The following MED27 variants were observed in gnomAD, a reference collection of about 807,000 sequenced individuals.
MED27 encodes mediator complex subunit 27.
A neutral mutation model predicts 38.2 loss-of-function variants in MED27; 30 were observed. The ratio of observed to expected loss-of-function variants is 0.79; its 90% CI spans 0.59 to 1.07. The LOEUF is 1.07. Ranked by LOEUF, MED27 falls within the 50% of genes least tolerant of loss-of-function variation. The pLI, the probability that MED27 is intolerant of heterozygous loss-of-function variation, is 0.00. For missense variants in MED27, 289 were observed against 397.5 expected (o/e 0.73, Z 2.32); for synonymous variants, 122 against 153.5 (o/e 0.79, Z 1.52).
chr9:131,972,197 C>T lies in MED27; in HGVS notation c.480-32723G>A, dbSNP rs7038876. ...CTTTCTGGAGGAATGAGTACTAAAACGATCTATTCCTTTTCCCTACATGGA... is the reference window on the plus strand; with the variant it reads ...CTTTCTGGAGGAATGAGTACTAAAATGATCTATTCCTTTTCCCTACATGGA... On this transcript the variant is annotated intron_variant, in intron 3 of 7. Coordinates refer to ENST00000292035, the MANE Select transcript of MED27 (RefSeq NM_004269.4). 5.3e-3 allele frequency among the ~76,000 whole-genome samples: 801 copies of T among 152,246 alleles called. 15 individuals are homozygous for T. Among genetic ancestry groups the T allele is most frequent in the African/African-American group, 0.018 (737 of 41,530 alleles).
intron 3 of MED27, among the ~76,000 whole-genome samples, chr9:131,971,200 T>C (rs1015473398): frequency 7.2e-5 from 11 of 152,226 alleles, no homozygotes; most frequent in Admixed American, 5.2e-4. Flanking sequence ...TCTACTTTTA[T>C]GGACTTTAAA....
At chr9:131,866,475 C>G (rs1304275530) in intron 6 of MED27, among the ~76,000 whole-genome samples, 3 of 104,070 alleles carry the variant, frequency 2.9e-5, no homozygotes, top group Non-Finnish European at 6.5e-5. Flanking sequence ...CTGCCTCATA[C>G]CCAAGCAGCC....
At chr9:131,956,448 T>C (rs980167282) in intron 3 of MED27, among the ~76,000 whole-genome samples, 9 of 152,108 alleles carry the variant, frequency 5.9e-5, no homozygotes, top group African/African-American at 2.2e-4. Flanking sequence ...AAACCCCATC[T>C]CTACTAAAAA....
At chr9:131,980,168 G>A (rs977484873) in intron 3 of MED27, among the ~76,000 whole-genome samples, 2 of 140,034 alleles carry the variant, frequency 1.4e-5, no homozygotes, top group Non-Finnish European at 3.1e-5. Context: ...ACACACACAC[G>A]TATGTATAAA....
chr9:132,042,162 A>G (rs148263901), intron 2 of MED27, among the ~76,000 whole-genome samples: 9 of 152,164 alleles, frequency 5.9e-5, no homozygotes, highest in African/African-American at 2.2e-4. Context: ...AGGATCTGGG[A>G]CTCAGTTTCT....
At chr9:132,024,322 T>G (rs1352781031) in intron 2 of MED27, among the ~76,000 whole-genome samples, 1 of 152,218 alleles carries the variant, frequency 6.6e-6, no homozygotes, top group Non-Finnish European at 1.5e-5. Flanking sequence ...GGCCTCCTTT[T>G]ACAGATGAAG....
At chr9:132,047,340 T>C (rs1426774686) in intron 2 of MED27, among the ~76,000 whole-genome samples, 3 of 151,964 alleles carry the variant, frequency 2.0e-5, no homozygotes, top group Admixed American at 6.6e-5. Context: ...TGGGGTCCCA[T>C]CTGCAAAATG....
intron 3 of MED27, among the ~76,000 whole-genome samples, chr9:131,984,734 G>A (rs1831812581): frequency 6.6e-6 from 1 of 152,140 alleles, no homozygotes; most frequent in Admixed American, 6.5e-5. Context: ...GGTCTGCTGT[G>A]AACTCCTGAG....
intron 3 of MED27, among the ~76,000 whole-genome samples, chr9:131,952,117 A>G (rs887836641): frequency 5.3e-5 from 8 of 152,308 alleles, no homozygotes; most frequent in Middle Eastern, 3.4e-3. Context: ...GCCTACACAC[A>G]GATTACATCA....
At chr9:132,075,543 T>C (rs1006391677) in intron 2 of MED27, among the ~76,000 whole-genome samples, 3 of 152,188 alleles carry the variant, frequency 2.0e-5, no homozygotes, top group Admixed American at 2.0e-4. Context: ...TACAACCTAT[T>C]TTCCACTGTG....
chr9:132,023,699 G>C (rs1832762839), intron 2 of MED27, among the ~76,000 whole-genome samples: 1 of 152,092 alleles, frequency 6.6e-6, no homozygotes, highest in Non-Finnish European at 1.5e-5. Flanking sequence ...AAGAGGCAAG[G>C]AAGAAGGAAA....
chr9:131,994,532 C>G (rs975787028), intron 3 of MED27, among the ~76,000 whole-genome samples: 6 of 152,214 alleles, frequency 3.9e-5, no homozygotes, highest in Non-Finnish European at 5.9e-5. Flanking sequence ...CCAGATGAAT[C>G]CTGGAGGACT....
chr9:131,958,946 T>A (rs747146608), intron 3 of MED27, among the ~76,000 whole-genome samples: 2 of 152,234 alleles, frequency 1.3e-5, no homozygotes, highest in Admixed American at 6.5e-5. Context: ...GGCTCTTTAT[T>A]TGCCTGTCTG....
chr9:131,966,383 C>CAAAAAAAAA (rs749607968), intron 3 of MED27, among the ~76,000 whole-genome samples: 425 of 36,738 alleles, frequency 0.012, 62 homozygotes, highest in Non-Finnish European at 0.013. Flanking sequence ...GACCCTGTCA[C>CAAAAAAAAA]AAAAAAAAAA....
intron 3 of MED27, among the ~76,000 whole-genome samples, chr9:131,996,335 G>A (rs1178834666): frequency 2.0e-5 from 3 of 152,214 alleles, no homozygotes; most frequent in Non-Finnish European, 4.4e-5. Flanking sequence ...GCTCAGACCT[G>A]CCAGGGATGA....
intron 2 of MED27, among the ~76,000 whole-genome samples, chr9:132,074,732 T>A (rs115705157): frequency 0.014 from 2,186 of 152,390 alleles, 53 homozygotes; most frequent in African/African-American, 0.05. Flanking sequence ...GACATCCTCA[T>A]CCTTGTTCTC....
At chr9:132,041,318 G>A (rs1480953512) in intron 2 of MED27, among the ~76,000 whole-genome samples, 1 of 152,126 alleles carries the variant, frequency 6.6e-6, no homozygotes, top group South Asian at 2.1e-4. Flanking sequence ...ACGCACACAC[G>A]ACTAAAGAGT....
At chr9:131,869,532 G>A in intron 6 of MED27, 1 of 521,660 alleles carries the variant, frequency 1.9e-6, no homozygotes, top group South Asian at 8.1e-5. Flanking sequence ...GCCAGGAAGG[G>A]CACTAATGCT....
At chr9:131,902,289 G>A (rs1010830382) in intron 4 of MED27, among the ~76,000 whole-genome samples, 9 of 152,118 alleles carry the variant, frequency 5.9e-5, no homozygotes, top group African/African-American at 1.4e-4. Flanking sequence ...CGTGCTGGGC[G>A]GAACTGTCCT....
Sources: allele counts gnomAD v4.1 joint callset (sites outside exome capture counted in the v4.1 genomes callset), GRCh38; gene constraint gnomAD v4.1.1; transcripts MANE v1.5; gene names NCBI Gene and HGNC (gene_info 2026-07-23, HGNC 2026-07-21).